Variants in KCTD16 observed in about 807,000 individuals in gnomAD.
KCTD16 encodes the protein BTB/POZ domain-containing protein KCTD16.
KCTD16 carries 13 observed loss-of-function variants against 33.2 expected under a neutral mutation model. The observed-to-expected ratio is 0.39, with a 90% CI of 0.25 to 0.62. The LOEUF (loss-of-function observed/expected upper bound fraction) is 0.62. KCTD16 is among the 20% of genes least tolerant of loss of function. The probability of loss-of-function intolerance (pLI) is 0.50; values close to 1 mark genes in which losing one functional copy is unlikely to be tolerated. For missense variants in KCTD16, 441 were observed against 525.1 expected, an observed-to-expected ratio of 0.84 and a Z score of 1.57; for synonymous variants, 197 against 195.3, an observed-to-expected ratio of 1.01 and a Z score of -0.07.
chr5:144,248,272 G>A (rs1171912638), intron 3 of KCTD16, among the ~76,000 whole-genome samples: 1 of 152,134 alleles, frequency 6.6e-6, no homozygotes, highest in Admixed American at 6.6e-5. Context: ...TCTTGAAAGA[G>A]GCAAAGAAAG....
At chr5:144,311,258 A>G (rs1751761595) in intron 3 of KCTD16, among the ~76,000 whole-genome samples, 1 of 152,218 alleles carries the variant, frequency 6.6e-6, no homozygotes, top group African/African-American at 2.4e-5. Flanking sequence ...CATTGTGCAC[A>G]AGTACTGTAG....
Position 144,259,430 on chromosome 5 carries a change from G to T in KCTD16, c.832+51884G>T, listed in dbSNP as rs1419298975. On this transcript the variant is annotated intron_variant, in intron 3 of 3. Transcript: ENST00000512467. ...TTTTCAATAGGCCTTGCAGGATTTT[G>T]ATGCCATTTCTAAATGTATGGCATT... 2.0e-5 allele frequency among the ~76,000 whole-genome samples: 3 copies of T among 152,056 alleles called. No individual in the cohort carries two copies. In the East Asian group the frequency reaches 5.8e-4, roughly 29 times the overall value.
chr5:144,299,148 A>ATTTTTT (rs369343270), intron 3 of KCTD16, among the ~76,000 whole-genome samples: 10 of 14,060 alleles, frequency 7.1e-4, no homozygotes, highest in Admixed American at 2.7e-3. Flanking sequence ...ATATATATAT[A>ATTTTTT]TTTTTTTTTT....
intron 3 of KCTD16, among the ~76,000 whole-genome samples, chr5:144,457,689 T>C (rs1754098513): frequency 1.3e-5 from 2 of 152,234 alleles, no homozygotes; most frequent in South Asian, 2.1e-4. Flanking sequence ...ATACCAATTT[T>C]ATCCCAATAT....
intron 3 of KCTD16, among the ~76,000 whole-genome samples, chr5:144,266,146 T>A (rs941893194): frequency 2.6e-5 from 4 of 152,164 alleles, no homozygotes; most frequent in Non-Finnish European, 4.4e-5. Flanking sequence ...AATAATACTT[T>A]TAGGCTATGG....
At chr5:144,315,136 T>C (rs977566201) in intron 3 of KCTD16, among the ~76,000 whole-genome samples, 13 of 152,214 alleles carry the variant, frequency 8.5e-5, no homozygotes, top group African/African-American at 3.1e-4. Flanking sequence ...ATGAGATGCT[T>C]TGATGGCAAG....
intron 3 of KCTD16, among the ~76,000 whole-genome samples, chr5:144,323,912 T>C (rs922918412): frequency 6.6e-6 from 1 of 152,130 alleles, no homozygotes; most frequent in African/African-American, 2.4e-5. Context: ...TTCACTAATG[T>C]TTTACAATTG....
intron 3 of KCTD16, among the ~76,000 whole-genome samples, chr5:144,470,553 C>T (rs1007836140): frequency 6.6e-6 from 1 of 152,214 alleles, no homozygotes; most frequent in Admixed American, 6.5e-5. Flanking sequence ...CAGAAGCCAT[C>T]TCATAAATTA....
chr5:144,351,287 A>G (rs919490261), intron 3 of KCTD16, among the ~76,000 whole-genome samples: 21 of 152,272 alleles, frequency 1.4e-4, no homozygotes, highest in African/African-American at 4.8e-4. Flanking sequence ...GGAGCCAGCC[A>G]CTGTTTTAAA....
chr5:144,296,789 T>G (rs560439663), intron 3 of KCTD16, among the ~76,000 whole-genome samples: 1 of 152,348 alleles, frequency 6.6e-6, no homozygotes, highest in South Asian at 2.1e-4. Flanking sequence ...GTAGTTCTCA[T>G]TTTTCAATTA....
chr5:144,180,776 G>T lies in KCTD16; in HGVS notation c.-327+6304G>T, dbSNP rs568983069. On this transcript the variant is annotated intron_variant, in intron 2 of 3. Transcript: ENST00000512467. ...CAAAACATGGCGGCTGTAGTCTGGG[G>T]AAGAGTATCCTGAGAGAGAGAAAAA... is the stretch of plus-strand genomic sequence containing the variant. Among the ~76,000 whole-genome samples the T allele has an allele frequency of 1.2e-3, 187 of 152,226 alleles. 1 individual carries two copies. The highest frequency in any genetic ancestry group is 4.3e-3 in the African/African-American group (177 of 41,520).
intron 3 of KCTD16, among the ~76,000 whole-genome samples, chr5:144,383,942 G>T (rs1269729597): frequency 6.6e-6 from 1 of 152,162 alleles, no homozygotes; most frequent in East Asian, 1.9e-4. Context: ...ATGGTGAGTT[G>T]TAGACATCTT....
At chr5:144,398,706 A>ACT (rs202105888) in intron 3 of KCTD16, among the ~76,000 whole-genome samples, 1,801 of 146,518 alleles carry the variant, frequency 0.012, 30 homozygotes, top group African/African-American at 0.047. Flanking sequence ...ACACACACAC[A>ACT]CACTCTCTCT....
chr5:144,272,133 G>T (rs11738134), intron 3 of KCTD16, among the ~76,000 whole-genome samples: 32,686 of 152,034 alleles, frequency 0.21, 3,972 homozygotes, highest in Non-Finnish European at 0.28. Context: ...TTGTAATGAC[G>T]ATTTTTGTAG....
intron 3 of KCTD16, among the ~76,000 whole-genome samples, chr5:144,465,870 C>CAA (rs2126996472): frequency 7.1e-6 from 1 of 141,226 alleles, no homozygotes; most frequent in South Asian, 2.3e-4. Context: ...AGACCGGTTG[C>CAA]TCTTGTCACC....
chr5:144,172,348 G>A (rs1438660379), intron 1 of KCTD16, among the ~76,000 whole-genome samples: 1 of 152,192 alleles, frequency 6.6e-6, no homozygotes, highest in Non-Finnish European at 1.5e-5. Context: ...CATACAATGT[G>A]TAATAATGAA....
intron 3 of KCTD16, among the ~76,000 whole-genome samples, chr5:144,271,996 C>T (rs1473893904): frequency 6.6e-6 from 1 of 151,986 alleles, no homozygotes; most frequent in African/African-American, 2.4e-5. Context: ...TTACAAAACC[C>T]TGCTGAAATA....
chr5:144,290,473 A>ATTT (rs1755866267), intron 3 of KCTD16, among the ~76,000 whole-genome samples: 1 of 152,204 alleles, frequency 6.6e-6, no homozygotes, highest in South Asian at 2.1e-4. Context: ...TCTTCAATTT[A>ATTT]TTAATCTTAA....
At chr5:144,333,051 C>T (rs915007887) in intron 3 of KCTD16, among the ~76,000 whole-genome samples, 2 of 152,114 alleles carry the variant, frequency 1.3e-5, no homozygotes, top group African/African-American at 4.8e-5. Context: ...TCCCACAACT[C>T]GTGGGAATTA....
Sources: allele counts gnomAD v4.1 joint callset (sites outside exome capture counted in the v4.1 genomes callset), GRCh38; gene constraint gnomAD v4.1.1; transcripts MANE v1.5; gene names NCBI Gene and HGNC (gene_info 2026-07-23, HGNC 2026-07-21).